Variants in FRMD4A observed in about 807,000 individuals in gnomAD.
FRMD4A encodes FERM domain containing 4A.
In FRMD4A, 29 loss-of-function variants were observed where a neutral mutation model predicts 129.1. That is an observed-to-expected ratio of 0.22 (90% CI 0.17 to 0.31). FRMD4A has a LOEUF of 0.31. Among genes scored for constraint, FRMD4A ranks in the 10% least tolerant of loss-of-function variants. FRMD4A has a pLI of 1.00. For missense variants in FRMD4A, 1,272 were observed against 1,375.8 expected (o/e 0.92, Z 1.19); for synonymous variants, 634 against 571.6 (o/e 1.11, Z -1.56).
At chr10:13,997,481 C>T (rs527288944) in intron 2 of FRMD4A, among the ~76,000 whole-genome samples, 1 of 152,222 alleles carries the variant, frequency 6.6e-6, no homozygotes, top group Middle Eastern at 3.4e-3. Context: ...TTCTGGAACA[C>T]TATATATTAA....
intron 2 of FRMD4A, among the ~76,000 whole-genome samples, chr10:14,285,068 T>C (rs1192677735): frequency 1.3e-5 from 2 of 152,224 alleles, no homozygotes; most frequent in Non-Finnish European, 1.5e-5. Flanking sequence ...GATTTTGAAT[T>C]TGCAATAATC....
At chr10:14,137,658 C>A (rs915148717) in intron 2 of FRMD4A, among the ~76,000 whole-genome samples, 1 of 152,170 alleles carries the variant, frequency 6.6e-6, no homozygotes, top group Admixed American at 6.5e-5. Context: ...CTCCCCCACC[C>A]CAGTTTCCTT....
intron 2 of FRMD4A, among the ~76,000 whole-genome samples, chr10:14,185,621 T>C (rs918422983): frequency 2.0e-5 from 3 of 152,172 alleles, no homozygotes; most frequent in Non-Finnish European, 2.9e-5. Context: ...AAAGGGGATA[T>C]ATACTTCATG....
At chr10:14,276,804 C>T (rs1002202397) in intron 2 of FRMD4A, among the ~76,000 whole-genome samples, 1 of 152,212 alleles carries the variant, frequency 6.6e-6, no homozygotes, top group East Asian at 1.9e-4. Flanking sequence ...ACACTACTCA[C>T]ATTTGTGGCA....
chr10:14,185,617 G>C (rs543418823), intron 2 of FRMD4A, among the ~76,000 whole-genome samples: 1,540 of 152,068 alleles, frequency 0.01, 26 homozygotes, highest in African/African-American at 0.036. Context: ...ACAGAAAGGG[G>C]ATATATACTT....
chr10:14,153,013 G>A (rs1343368449), intron 2 of FRMD4A, among the ~76,000 whole-genome samples: 1 of 152,176 alleles, frequency 6.6e-6, no homozygotes, highest in African/African-American at 2.4e-5. Flanking sequence ...AGTGCCCCAG[G>A]CCTCGGCAGA....
chr10:14,258,863 A>G (rs867687607), intron 2 of FRMD4A, among the ~76,000 whole-genome samples: 3 of 152,358 alleles, frequency 2.0e-5, no homozygotes, highest in South Asian at 2.1e-4. Context: ...AATATGGATG[A>G]ATTTCAAAAT....
chr10:13,754,523 A>G (rs2091772582), intron 8 of FRMD4A, among the ~76,000 whole-genome samples: 1 of 151,912 alleles, frequency 6.6e-6, no homozygotes, highest in Non-Finnish European at 1.5e-5. Flanking sequence ...CATGGCCCTT[A>G]AAGTCATTTT....
rs141019872 is a variant in FRMD4A, at chr10:13,956,240, C to T, written c.46-97328G>A. The stretch of plus-strand genomic sequence containing the variant: ...CACTCTTGGCTCACTGCAAACTCTG[C>T]CTCCCAGGTTGAAGTGATTCTCGTG... On this transcript the variant is annotated intron_variant, in intron 2 of 24. Coordinates refer to ENST00000357447, the MANE Select transcript of FRMD4A (RefSeq NM_018027.5). 2.1e-3 allele frequency among the ~76,000 whole-genome samples: 313 copies of T among 152,254 alleles called. 2 individuals carry two copies. The highest frequency in any genetic ancestry group is 7.2e-3 in the African/African-American group (300 of 41,540).
intron 2 of FRMD4A, among the ~76,000 whole-genome samples, chr10:13,956,417 G>T (rs2095410622): frequency 1.3e-5 from 2 of 152,218 alleles, no homozygotes; most frequent in Admixed American, 6.5e-5. Context: ...CTCCCAAAGT[G>T]CTGGGATTAC....
At chr10:13,897,863 G>C (rs1456504456) in intron 2 of FRMD4A, among the ~76,000 whole-genome samples, 2 of 150,678 alleles carry the variant, frequency 1.3e-5, no homozygotes, top group African/African-American at 4.9e-5. Flanking sequence ...GCTTGAACCT[G>C]GGAGGCGGAG....
chr10:13,779,430 G>T (rs1002440647), intron 6 of FRMD4A, among the ~76,000 whole-genome samples: 1 of 152,114 alleles, frequency 6.6e-6, no homozygotes, highest in Admixed American at 6.5e-5. Context: ...TCACTTGAAA[G>T]TTCTCTGGTT....
At chr10:13,819,548 C>T (rs886794746) in intron 3 of FRMD4A, among the ~76,000 whole-genome samples, 10 of 152,154 alleles carry the variant, frequency 6.6e-5, no homozygotes, top group Non-Finnish European at 1.3e-4. Context: ...TGATTTGTTA[C>T]ACTCTATAGC....
At chr10:13,973,624 T>A (rs1452154368) in intron 2 of FRMD4A, among the ~76,000 whole-genome samples, 1 of 152,008 alleles carries the variant, frequency 6.6e-6, no homozygotes, top group Non-Finnish European at 1.5e-5. Flanking sequence ...AGCAGGTGGG[T>A]ACTACAGAAT....
At chr10:14,036,177 T>C (rs1833494111) in intron 2 of FRMD4A, among the ~76,000 whole-genome samples, 1 of 152,250 alleles carries the variant, frequency 6.6e-6, no homozygotes, top group Non-Finnish European at 1.5e-5. Context: ...CGATCATTCC[T>C]GGCACATTCC....
rs2134298127 is a variant in FRMD4A at position 13,645,995 on chromosome 10, T to G, written c.*1043A>C. 1 of 152,592 alleles carries G rather than the reference T, an allele frequency of 6.6e-6. No homozygotes were observed. The highest frequency in any genetic ancestry group is 2.1e-4 in the South Asian group (1 of 4,824). The allele number at this position is 152,592 out of a possible 1,614,324, so 9.5% of individuals were successfully genotyped here. A position where few individuals can be genotyped will look rare whatever the true frequency, so the allele number is the denominator to read the frequency against. ...ACAAATCCTGAAAGGAAAGCAGCTT[T>G]GAGTCTTGGGCTCGGCTGAACCCCC... On this transcript the variant is annotated 3_prime_UTR_variant, in exon 25 of 25. Coordinates refer to ENST00000357447, the MANE Select transcript of FRMD4A (RefSeq NM_018027.5).
chr10:13,806,877 G>A (rs2027550), intron 4 of FRMD4A, among the ~76,000 whole-genome samples: 61,156 of 152,032 alleles, frequency 0.4, 12,949 homozygotes, highest in East Asian at 0.52. Context: ...GCATGACCTC[G>A]GCTCACTGCA....
At chr10:13,718,301 G>A (rs2089053984) in intron 12 of FRMD4A, among the ~76,000 whole-genome samples, 1 of 152,262 alleles carries the variant, frequency 6.6e-6, no homozygotes, top group African/African-American at 2.4e-5. Context: ...GGCTGCTGCT[G>A]GGAGAAGGAA....
At chr10:13,684,678 A>C in intron 15 of FRMD4A, 1 of 985,420 alleles carries the variant, frequency 1.0e-6, no homozygotes, top group Non-Finnish European at 1.2e-6. Context: ...GTCAGGAGCC[A>C]CGCGTGGCTC....
Sources: gnomAD v4.1 joint callset for allele counts (sites outside exome capture counted in the v4.1 genomes callset) on GRCh38, gnomAD v4.1.1 for gene constraint, MANE v1.5 for transcripts, NCBI Gene and HGNC (gene_info 2026-07-23, HGNC 2026-07-21) for gene names.